SKOR2: variants seen among roughly 807,000 people sequenced by gnomAD.
SKOR2 encodes the protein LBX1 corepressor 1-like protein.
SKOR2 carries 47 observed loss-of-function variants against 69.1 expected under a neutral mutation model. The observed-to-expected ratio is 0.68, with a 90% CI of 0.54 to 0.87. The LOEUF (loss-of-function observed/expected upper bound fraction) is 0.87, where lower values mean the gene tolerates loss of function less well. Ranked by LOEUF, SKOR2 falls within the 40% of genes least tolerant of loss-of-function variation. The pLI is 0.00. For missense variants in SKOR2, 1,404 were observed against 1,472.2 expected (o/e 0.95, Z 0.76); for synonymous variants, 717 against 672.6 (o/e 1.07, Z -1.02).
chr18:47,234,873 A>AAAAAAAAAAG (rs2064215261), intron 4 of SKOR2, among the ~76,000 whole-genome samples: 1 of 149,110 alleles, frequency 6.7e-6, no homozygotes, highest in Non-Finnish European at 1.5e-5. Context: ...GGAAAAAAAA[A>AAAAAAAAAAG]AAGAGAGGGG....
At chr18:47,236,487 T>A (rs2144502773) in intron 4 of SKOR2, among the ~76,000 whole-genome samples, 1 of 152,316 alleles carries the variant, frequency 6.6e-6, no homozygotes. Flanking sequence ...ATTTAAATCC[T>A]AACCCCCAAG....
At chr18:47,220,096 C>T in intron 6 of SKOR2, 86 bp from the exon 7 acceptor site, 2 of 1,082,472 alleles carry the variant, frequency 1.8e-6, no homozygotes, top group South Asian at 2.9e-5. Flanking sequence ...TTGACAGTCC[C>T]ATGGACAGCC....
chr18:47,240,178 C>T, intron 4 of SKOR2, among the ~76,000 whole-genome samples: 1 of 152,092 alleles, frequency 6.6e-6, no homozygotes. Context: ...AAAGATGCAG[C>T]CATGCTCACA....
At chr18:47,236,782 T>A (rs2144503114) in intron 4 of SKOR2, among the ~76,000 whole-genome samples, 1 of 152,324 alleles carries the variant, frequency 6.6e-6, no homozygotes, top group South Asian at 2.1e-4. Context: ...GGTATTATTT[T>A]TTTTTTATAG....
At chr18:47,212,452 A>T (rs2064130647) in intron 7 of SKOR2, among the ~76,000 whole-genome samples, 1 of 152,222 alleles carries the variant, frequency 6.6e-6, no homozygotes, top group South Asian at 2.1e-4. Flanking sequence ...ATAATATGGT[A>T]TCATATTTAT....
rs1030935699 is a variant in SKOR2, at chr18:47,241,380, C to G, written c.2752+3528G>C. ...CTTTGGCTCATCTGAATTTCTGACACTTTGCCAAATAAATGGATTCTCAGG... is the reference window on the plus strand; with the variant it reads ...CTTTGGCTCATCTGAATTTCTGACAGTTTGCCAAATAAATGGATTCTCAGG... On this transcript the variant is annotated intron_variant, in intron 4 of 8. Coordinates refer to ENST00000425639, the MANE Select transcript of SKOR2 (RefSeq NM_001278063.4). 1.5e-4 allele frequency among the ~76,000 whole-genome samples: 23 copies of G among 152,304 alleles called. No homozygotes were observed. In the East Asian group the frequency reaches 4.4e-3, roughly 29 times the overall value.
At chr18:47,228,755 T>C (rs1285699090) in intron 6 of SKOR2, among the ~76,000 whole-genome samples, 1 of 152,248 alleles carries the variant, frequency 6.6e-6, no homozygotes, top group Non-Finnish European at 1.5e-5. Flanking sequence ...CCTAGATCCT[T>C]TCAAAGCACC....
Position 47,244,965 on chromosome 18 carries a change from T to C in SKOR2, c.2695A>G (p.Ser899Gly), listed in dbSNP as rs1157504327. Residue 899 changes from serine to glycine, a missense_variant, in exon 4 of 9, where the codon AGC (serine) becomes GGC (glycine). Physicochemically the swap from Ser to Gly is moderately conservative, Grantham distance 56 (BLOSUM62 0). Around this residue, in one of 3 missense-constraint regions of SKOR2, gnomAD observed 1,266 missense variants for 1,309.9 expected, o/e 0.97. Transcript: ENST00000425639. ...GCATCAGAGTCTGTGATGAAAAAGC[T>C]ATGCTCCTTGTTCTTATCTAGAACC... The part of the protein sequence containing the change: ...NSFSDKNKEH[S>G]FFITDSDASG... 1 of 1,535,666 alleles carries C rather than the reference T, an allele frequency of 6.5e-7. No individual in the cohort carries two copies. The highest frequency in any genetic ancestry group is 1.4e-5 in the African/African-American group (1 of 73,010).
intron 4 of SKOR2, 123 bp downstream of exon 4, chr18:47,244,785 A>G (rs994885377): frequency 3.7e-6 from 3 of 807,968 alleles, no homozygotes; most frequent in African/African-American, 1.8e-5. Context: ...TTTCTTAGTT[A>G]TATCTACTAG....
chr18:47,248,101 G>C lies in SKOR2; in HGVS notation c.1083C>G (p.Gly361=). The C allele has an allele frequency of 7.4e-7, 1 of 1,349,170 alleles. No individual in the cohort carries two copies. The highest frequency in any genetic ancestry group is 1.8e-5 in the South Asian group (1 of 54,088). The allele number at this position is 1,349,170 out of a possible 1,614,324, so 83.6% of individuals were successfully genotyped here. The part of the protein sequence containing the change: ...GAGGGCVAGV[G]VGAGAGAGAG... ...CACCCGCCCCCGCGCCCGCGCCCAC[G>C]CCCACGCCGGCCACACAGCCACCCC... The change falls in exon 2 of 9, where the codon GGC becomes GGG. Residue 361 remains glycine (G), a synonymous_variant. Coordinates refer to ENST00000425639, the MANE Select transcript of SKOR2 (RefSeq NM_001278063.4). This position sits in a 1 kb window ranked among gnomAD's most constrained non-coding sequence, Gnocchi z 6.4.
Position 47,247,693 on chromosome 18 carries a change from G to A in SKOR2, c.1491C>T (p.Cys497=). ...GCAGGGCCGGGCTTTCGCCTAGCGC[G>A]CAGCCTAGCGCCGAGGGCGGCTGAG... ...PPPQPPSALG[C]ALGESPALLR... The change falls in exon 2 of 9, where the codon TGC becomes TGT. Residue 497 remains cysteine (C), a synonymous_variant. Coordinates refer to ENST00000425639, the MANE Select transcript of SKOR2 (RefSeq NM_001278063.4). The surrounding 1 kb of genome is among the most constrained non-coding windows in gnomAD (Gnocchi z 6.6). 3.0e-6 allele frequency: 4 copies of A among 1,354,464 alleles called. No homozygotes were observed. The highest frequency in any genetic ancestry group is 3.8e-5 in the Admixed American group (1 of 25,978). The allele number at this position is 1,354,464 out of a possible 1,614,324, so 83.9% of individuals were successfully genotyped here. A position where few individuals can be genotyped will look rare whatever the true frequency, so the allele number is the denominator to read the frequency against.
rs189508010 is a variant in SKOR2, at chr18:47,244,929, C to T, written c.2731G>A (p.Asp911Asn). Residue 911 changes from aspartate to asparagine, a missense_variant, in exon 4 of 9, where the codon GAT (aspartate) becomes AAT (asparagine). Asp to Asn is a conservative substitution (Grantham distance 23). Around this residue, in one of 3 missense-constraint regions of SKOR2, gnomAD observed 1,266 missense variants for 1,309.9 expected, o/e 0.97. Transcript: ENST00000425639. Reference sequence around the variant, plus strand: ...CTACCTGATCTTTCTCTCCAAAAATCTCCTCCAGAAGCATCAGAGTCTGTG... The same window carrying T: ...CTACCTGATCTTTCTCTCCAAAAATTTCCTCCAGAAGCATCAGAGTCTGTG... ...FITDSDASGG[D>N]FWRERSGEHT... 45 of 1,535,842 alleles carry T rather than the reference C, an allele frequency of 2.9e-5. 1 individual carries two copies. In the Admixed American group the frequency reaches 5.9e-4, roughly 20 times the overall value.
rs1034258175 is a variant in SKOR2, at chr18:47,248,332, C to T, written c.852G>A (p.Ala284=). ...GCGGTGGCGGCGGCGGCGGCGGGGG[C>T]GCACCCAGCAGGTGGGGGCCCAGCA... The part of the protein sequence containing the change: ...GGLLGPHLLG[A]PPPPPPPPPP... Residue 284 remains alanine (A), a synonymous_variant, in exon 2 of 9, where the codon GCG becomes GCA. Coordinates refer to ENST00000425639, the MANE Select transcript of SKOR2 (RefSeq NM_001278063.4). The surrounding 1 kb of genome is among the most constrained non-coding windows in gnomAD (Gnocchi z 6.4). 2 of 1,202,456 alleles carry T rather than the reference C, an allele frequency of 1.7e-6. No homozygotes were observed. The highest frequency in any genetic ancestry group is 1.6e-5 in the African/African-American group (1 of 62,656). The allele number at this position is 1,202,456 out of a possible 1,614,324, so 74.5% of individuals were successfully genotyped here.
At chr18:47,236,065 G>C (rs1261620227) in intron 4 of SKOR2, among the ~76,000 whole-genome samples, 1 of 152,106 alleles carries the variant, frequency 6.6e-6, no homozygotes, top group Non-Finnish European at 1.5e-5. Context: ...GCTCACTGCA[G>C]CCTCAACCTC....
chr18:47,207,754 C>A (rs1042134570), intron 8 of SKOR2, among the ~76,000 whole-genome samples: 19 of 152,118 alleles, frequency 1.2e-4, no homozygotes, highest in Non-Finnish European at 1.3e-4. Context: ...TTAAAAGACT[C>A]TTGTTGTTAC....
chr18:47,240,383 G>A (rs1361462893), intron 4 of SKOR2, among the ~76,000 whole-genome samples: 1 of 152,054 alleles, frequency 6.6e-6, no homozygotes, highest in Non-Finnish European at 1.5e-5. Flanking sequence ...GATTGCAATT[G>A]GAAATACTGT....
At chr18:47,250,287 G>A (rs572284897) in intron 1 of SKOR2, among the ~76,000 whole-genome samples, 1 of 152,336 alleles carries the variant, frequency 6.6e-6, no homozygotes, top group South Asian at 2.1e-4. Flanking sequence ...CCCAGGTTGG[G>A]TCTGTGGTAA....
rs1355446035 is a variant in SKOR2 at position 47,230,510 on chromosome 18, G to T, written c.2866C>A (p.Leu956Met). 1.2e-5 allele frequency: 18 copies of T among 1,448,408 alleles called. No individual in the cohort carries two copies. Among genetic ancestry groups the T allele is most frequent in the Non-Finnish European group, 1.4e-5 (16 of 1,108,042 alleles). 89.7% of individuals were successfully genotyped at this position (1,448,408 alleles called of 1,614,324 possible). The part of the protein sequence containing the change: ...LFEQIDLRRR[L>M]EQEFQVLKGN... The stretch of plus-strand genomic sequence containing the variant: ...TTTAACACCTGGAATTCTTGTTCCA[G>T]TCGTCTCCGTAAATCTATTTGTTCA... Residue 956 changes from leucine (L) to methionine (M), a missense_variant, in exon 6 of 9, where the codon CTG (leucine) becomes ATG (methionine). Leu to Met is a conservative substitution (Grantham distance 15, BLOSUM62 2). Transcript: ENST00000425639.
At chr18:47,218,937 C>T (rs1254275029) in intron 7 of SKOR2, among the ~76,000 whole-genome samples, 3 of 152,176 alleles carry the variant, frequency 2.0e-5, no homozygotes, top group African/African-American at 7.2e-5. Context: ...AAACCAATTG[C>T]TGCAAAAATG....
Sources: allele counts gnomAD v4.1 joint callset (sites outside exome capture counted in the v4.1 genomes callset), GRCh38; gene constraint gnomAD v4.1.1; regional missense constraint gnomAD v4.1.1; non-coding constraint Gnocchi (gnomAD v3.1); transcripts MANE v1.5; gene names NCBI Gene and HGNC (gene_info 2026-07-23, HGNC 2026-07-21).